CDK13: variants seen among roughly 807,000 people sequenced by gnomAD.
The protein encoded by CDK13 is cyclin dependent kinase 13, also known as cyclin-dependent kinase 13.
CDK13 carries 40 observed loss-of-function variants against 137.6 expected under a neutral mutation model. The ratio of observed to expected loss-of-function variants is 0.29; its 90% CI spans 0.23 to 0.38. The LOEUF (loss-of-function observed/expected upper bound fraction) is 0.38. Among genes scored for constraint, CDK13 ranks in the 10% least tolerant of loss-of-function variants. The pLI, the probability that CDK13 is intolerant of heterozygous loss-of-function variation, is 1.00. For missense variants in CDK13, 1,704 were observed against 1,951.8 expected, an observed-to-expected ratio of 0.87 and a Z score of 2.39; for synonymous variants, 869 against 760.1, an observed-to-expected ratio of 1.14 and a Z score of -2.36.
rs541587505 is a variant in CDK13 at position 39,965,872 on chromosome 7, T to G, written c.1211+14020T>G. Among the ~76,000 whole-genome samples, 4 of 152,318 alleles carry G rather than the reference T, an allele frequency of 2.6e-5. No homozygotes were observed. In the East Asian group the frequency reaches 7.7e-4, roughly 29 times the overall value. ...TTAAGGATTTTATTTCTCCTTCACT[T>G]ATGAAGCTTAGTTTGGCTGGATATG... On this transcript the variant is annotated intron_variant, in intron 1 of 13. Coordinates refer to ENST00000181839, the MANE Select transcript of CDK13 (RefSeq NM_003718.5).
chr7:39,962,973 A>T lies in CDK13; in HGVS notation c.1211+11121A>T, dbSNP rs558439351. On this transcript the variant is annotated intron_variant, in intron 1 of 13. Coordinates refer to ENST00000181839, the MANE Select transcript of CDK13 (RefSeq NM_003718.5). ...ACTTCTGAGGTCTCTGTTCTGTTCC[A>T]TTGGTCTATATCTCTGTTTTAGTAC... Among the ~76,000 whole-genome samples, 29 of 152,188 alleles carry T rather than the reference A, an allele frequency of 1.9e-4. 1 individual carries two copies. Among genetic ancestry groups the T allele is most frequent in the African/African-American group, 7.0e-4 (29 of 41,522 alleles).
In CDK13 at chr7:39,951,025, G is replaced by C. The variant is rs1320978110; in HGVS notation, c.384G>C (p.Gln128His). Residue 128 changes from glutamine to histidine, a missense_variant, in exon 1 of 14, where the codon CAG (glutamine) becomes CAC (histidine). Gln to His is a conservative substitution (Grantham distance 24). Coordinates refer to ENST00000181839, the MANE Select transcript of CDK13 (RefSeq NM_003718.5). ...TCTTCTCGCTGCCCCAGCCGCAGCA[G>C]GACGGCGGTGGCGGTGCTAGTAGCG... ...RRVFSLPQPQQDGGGGASSGG... is the reference protein window; with the variant it reads ...RRVFSLPQPQHDGGGGASSGG... 7 of 1,296,520 alleles carry C rather than the reference G, an allele frequency of 5.4e-6. No individual in the cohort carries two copies. The highest frequency in any genetic ancestry group is 1.5e-5 in the African/African-American group (1 of 64,710). The allele number at this position is 1,296,520 out of a possible 1,614,324, so 80.3% of individuals were successfully genotyped here.
intron 5 of CDK13, among the ~76,000 whole-genome samples, chr7:40,029,350 C>T (rs1785315391): frequency 6.6e-6 from 1 of 151,368 alleles, no homozygotes; most frequent in African/African-American, 2.4e-5. Context: ...ATCACTTGAA[C>T]CGGGAGGCAG....
At chr7:39,987,400 A>G (rs1784362297) in intron 1 of CDK13, among the ~76,000 whole-genome samples, 199 bp from the exon 2 acceptor site, 1 of 152,206 alleles carries the variant, frequency 6.6e-6, no homozygotes, top group African/African-American at 2.4e-5. Flanking sequence ...AGATCAGGGC[A>G]ATCCATTTTG....
intron 7 of CDK13, among the ~76,000 whole-genome samples, chr7:40,051,142 G>A (rs1785878253): frequency 6.6e-6 from 1 of 152,066 alleles, no homozygotes; most frequent in South Asian, 2.1e-4. Flanking sequence ...TGCATCTTCA[G>A]GTAATGTATA....
At chr7:40,051,891 C>T (rs1029105692) in intron 7 of CDK13, among the ~76,000 whole-genome samples, 1 of 152,164 alleles carries the variant, frequency 6.6e-6, no homozygotes. Flanking sequence ...TATACTTTGT[C>T]CCATTCTGCA....
Position 39,996,983 on chromosome 7 carries a change from A to AAAAAAAAAAAAAAAAAAAAAAAAAG in CDK13, c.1872-506_1872-505insAAAAAAAAAAAAAAAAAAAGAAAAA, listed in dbSNP as rs1562719391. On this transcript the variant is annotated intron_variant, in intron 2 of 13. Coordinates refer to ENST00000181839, the MANE Select transcript of CDK13 (RefSeq NM_003718.5). ...TCTCAAAAAAAAAAAAAAAGAAAAAAAAAAAGAAAAATGCTTTGCAAAACT... is the reference window on the plus strand; with the variant it reads ...TCTCAAAAAAAAAAAAAAAGAAAAAAAAAAAAAAAAAAAAAAAAAAAAAAGAAAAAGAAAAATGCTTTGCAAAACT... Among the ~76,000 whole-genome samples, 24 of 141,470 alleles carry AAAAAAAAAAAAAAAAAAAAAAAAAG rather than the reference A, an allele frequency of 1.7e-4. 2 individuals are homozygous for AAAAAAAAAAAAAAAAAAAAAAAAAG. The highest frequency in any genetic ancestry group is 6.9e-4 in the African/African-American group (23 of 33,568). 92.8% of individuals were successfully genotyped at this position (141,470 alleles called of 152,430 possible). A position where few individuals can be genotyped will look rare whatever the true frequency, so the allele number is the denominator to read the frequency against.
At chr7:39,968,075 T>G (rs1411476205) in intron 1 of CDK13, among the ~76,000 whole-genome samples, 2 of 152,192 alleles carry the variant, frequency 1.3e-5, no homozygotes, top group Non-Finnish European at 2.9e-5. Flanking sequence ...CTTTGCCCGT[T>G]TTTGAAATTG....
chr7:40,082,596 A>G (rs1786690634), intron 11 of CDK13, among the ~76,000 whole-genome samples: 1 of 151,058 alleles, frequency 6.6e-6, no homozygotes, highest in African/African-American at 2.4e-5. Flanking sequence ...TTTGAGATCA[A>G]CCTGGCCGAC....
intron 1 of CDK13, among the ~76,000 whole-genome samples, chr7:39,976,753 C>G (rs552816204): frequency 6.6e-6 from 1 of 151,902 alleles, no homozygotes; most frequent in Non-Finnish European, 1.5e-5. Context: ...TATAACAATA[C>G]CCTAAAATAA....
chr7:39,971,639 C>T (rs1784001720), intron 1 of CDK13, among the ~76,000 whole-genome samples: 1 of 66,746 alleles, frequency 1.5e-5, no homozygotes, highest in African/African-American at 5.4e-5. Flanking sequence ...GCTCGCAGCA[C>T]TTTGGGAGGC....
intron 5 of CDK13, among the ~76,000 whole-genome samples, chr7:40,009,808 C>T (rs951125853): frequency 4.6e-5 from 7 of 152,186 alleles, no homozygotes; most frequent in Non-Finnish European, 8.8e-5. Flanking sequence ...TTATGAAAAA[C>T]AGGGATATCT....
chr7:40,067,549 A>C (rs1238326844), intron 9 of CDK13: 1 of 88,310 alleles, frequency 1.1e-5, no homozygotes, highest in East Asian at 4.4e-4. Flanking sequence ...GTCTCAAAAA[A>C]TAAATAAATA....
chr7:39,977,717 A>T (rs1448813506), intron 1 of CDK13, among the ~76,000 whole-genome samples: 1 of 152,182 alleles, frequency 6.6e-6, no homozygotes, highest in Non-Finnish European at 1.5e-5. Context: ...TAACTGAAAG[A>T]TTATTCAAGT....
intron 2 of CDK13, among the ~76,000 whole-genome samples, chr7:39,994,728 A>G (rs1458753989): frequency 6.6e-6 from 1 of 152,162 alleles, no homozygotes; most frequent in African/African-American, 2.4e-5. Context: ...TTTATAAAAC[A>G]TTGGATAGAC....
Position 40,092,827 on chromosome 7 carries a change from C to T in CDK13, c.3278C>T (p.Ala1093Val), listed in dbSNP as rs2150547188. The change falls in exon 13 of 14, where the codon GCA becomes GTA. Residue 1093 changes from alanine to valine, a missense_variant. This residue lies in a region of CDK13 where 475 missense variants were observed against 579.3 expected (regional missense o/e 0.82). Coordinates refer to ENST00000181839, the MANE Select transcript of CDK13 (RefSeq NM_003718.5). ...PGQHLNHSEL[A>V]ILLNLLQSKT... is the part of the protein sequence containing the mutation. ...CAGCACTTAAACCACAGTGAATTGG[C>T]AATTCTACTAAACCTACTACAATCT... is the stretch of plus-strand genomic sequence containing the variant. 3 of 1,614,082 alleles carry T rather than the reference C, an allele frequency of 1.9e-6. No individual in the cohort carries two copies. Among genetic ancestry groups the T allele is most frequent in the Non-Finnish European group, 2.5e-6 (3 of 1,180,004 alleles).
intron 5 of CDK13, among the ~76,000 whole-genome samples, chr7:40,003,194 ACACACACACACACTCTCTCTCT>A (rs1269886932): frequency 1.6e-4 from 16 of 101,278 alleles, no homozygotes; most frequent in South Asian, 6.5e-4. Context: ...ACACACACAC[ACACACACACACACTCTCTCTCT>A]CTCTCTCTCT....
Position 39,992,658 on chromosome 7 carries a change from A to G in CDK13, c.1871+4400A>G, listed in dbSNP as rs375888766. ...TATCATCCACTATATATAATCAATA[A>G]TCAGTACTCCCCCCCTACCCCCTGC... On this transcript the variant is annotated intron_variant, in intron 2 of 13. Coordinates refer to ENST00000181839, the MANE Select transcript of CDK13 (RefSeq NM_003718.5). Among the ~76,000 whole-genome samples, 278 of 151,868 alleles carry G rather than the reference A, an allele frequency of 1.8e-3. 5 individuals carry two copies. The South Asian group carries it at 0.023, about 13-fold the overall frequency.
chr7:39,998,475 C>T (rs976663857), intron 3 of CDK13: 5 of 134,082 alleles, frequency 3.7e-5, no homozygotes, highest in Admixed American at 2.3e-4. Flanking sequence ...AAAAAAAAGC[C>T]GGGTGTGGTG....
Sources: allele counts gnomAD v4.1 joint callset (sites outside exome capture counted in the v4.1 genomes callset), GRCh38; gene constraint gnomAD v4.1.1; regional missense constraint gnomAD v4.1.1; transcripts MANE v1.5; gene names NCBI Gene and HGNC (gene_info 2026-07-23, HGNC 2026-07-21).